The following MTMR10 variants were observed in gnomAD, a reference collection of about 807,000 sequenced individuals.
MTMR10 encodes myotubularin related protein 10, also known as myotubularin-related protein 10.
In MTMR10, 56 loss-of-function variants were observed where a neutral mutation model predicts 88.1. The observed-to-expected ratio is 0.64, with a 90% CI of 0.51 to 0.79. The LOEUF (loss-of-function observed/expected upper bound fraction) is 0.79. MTMR10 is among the 30% of genes least tolerant of loss of function. The pLI, the probability that MTMR10 is intolerant of heterozygous loss-of-function variation, is 0.00. For synonymous variants in MTMR10, 380 were observed against 340.9 expected (o/e 1.11, Z -1.26); for missense variants, 883 against 924.7 (o/e 0.95, Z 0.58).
At chr15:30,933,761 TTTTG>T in the MTMR10 span, among the ~76,000 whole-genome samples, 1 of 139,588 alleles carries the variant, frequency 7.2e-6, no homozygotes, top group Non-Finnish European at 1.5e-5. Flanking sequence ...TTCTTTTTTT[TTTTG>T]TTTTTGTTTT....
At chr15:30,947,441 C>T in intron 13 of MTMR10, 141 bp from the exon 14 acceptor site, 1 of 904,478 alleles carries the variant, frequency 1.1e-6, no homozygotes, top group Non-Finnish European at 1.6e-6. Context: ...CTAAGCTGAG[C>T]TATACACATC....
chr15:30,991,213 G>A (rs1157757221), intron 1 of MTMR10: 5 of 484,118 alleles, frequency 1.0e-5, no homozygotes, highest in Non-Finnish European at 1.4e-5. Context: ...GCAAAACTAC[G>A]GACGACAGAA....
chr15:30,972,696 A>C (rs1281977889), intron 5 of MTMR10, among the ~76,000 whole-genome samples: 1 of 152,098 alleles, frequency 6.6e-6, no homozygotes, highest in Non-Finnish European at 1.5e-5. Context: ...TATCTTCTTC[A>C]CTAGATTTAA....
At chr15:30,926,789 G>A in the MTMR10 span, 2 of 985,286 alleles carry the variant, frequency 2.0e-6, no homozygotes, top group East Asian at 1.1e-4. Flanking sequence ...AATGCTTTCA[G>A]TTGAGCCATG....
intron 2 of MTMR10, among the ~76,000 whole-genome samples, chr15:30,982,807 A>G (rs1301830913): frequency 1.3e-5 from 2 of 152,204 alleles, no homozygotes; most frequent in African/African-American, 4.8e-5. Context: ...CACGTAAGTC[A>G]TTTGTTCATA....
In MTMR10 at chr15:30,967,985, G is replaced by A; in HGVS notation, c.500C>T (p.Ser167Phe). The part of the protein sequence containing the change: ...KKVCLAIAHY[S>F]QPTDLQLLFA... ...GAGTAGCTGGAGGTCTGTTGGCTGG[G>A]AATAATGAGCTATTGCAAGGCATAC... is the stretch of plus-strand genomic sequence containing the variant. Residue 167 changes from serine to phenylalanine, a missense_variant, in exon 6 of 16, where the codon TCC becomes TTC. By Grantham distance (155) the Ser-to-Phe change is radical (BLOSUM62 -2). Coordinates refer to ENST00000435680, the MANE Select transcript of MTMR10 (RefSeq NM_017762.3). 1.9e-6 allele frequency: 3 copies of A among 1,572,504 alleles called. No individual in the cohort carries two copies. The highest frequency in any genetic ancestry group is 2.6e-6 in the Non-Finnish European group (3 of 1,157,638).
chr15:30,927,421 C>T, the MTMR10 span: 27 of 985,506 alleles, frequency 2.7e-5, no homozygotes, highest in Non-Finnish European at 3.1e-5. Context: ...CCTTTTGAAT[C>T]CCTGAGACGG....
At chr15:30,930,873 A>G in the MTMR10 span, among the ~76,000 whole-genome samples, 1 of 152,172 alleles carries the variant, frequency 6.6e-6, no homozygotes, top group East Asian at 1.9e-4. Flanking sequence ...CCAGAGTGTG[A>G]GCAAGACAGA....
In MTMR10 at chr15:30,948,418, G is replaced by A. The variant is rs1322371737; in HGVS notation, c.1261C>T (p.Leu421=). ...CCVASLVQVM[L]DPYFRTITGF... ...GTAATTGTCCTAAAATAGGGATCCAGCATCACTTGAACAAGAGAAGCTACA... is the reference window on the plus strand; with the variant it reads ...GTAATTGTCCTAAAATAGGGATCCAACATCACTTGAACAAGAGAAGCTACA... Residue 421 remains leucine (L), a synonymous_variant, in exon 13 of 16, where the codon CTG becomes TTG. Transcript: ENST00000435680. 2 of 1,612,638 alleles carry A rather than the reference G, an allele frequency of 1.2e-6. No individual in the cohort carries two copies. The highest frequency in any genetic ancestry group is 3.3e-5 in the Admixed American group (2 of 59,842).
chr15:30,951,480 T>C (rs1199051621), intron 12 of MTMR10, among the ~76,000 whole-genome samples: 1 of 150,510 alleles, frequency 6.6e-6, no homozygotes. Flanking sequence ...TCTATTCTTC[T>C]ATTTGCAGTC....
At chr15:30,948,535 A>G in intron 12 of MTMR10, 64 bp from the exon 13 acceptor site, 1 of 1,488,914 alleles carries the variant, frequency 6.7e-7, no homozygotes. Flanking sequence ...AAAGGGAAGG[A>G]AAGGTAAACT....
intron 5 of MTMR10, among the ~76,000 whole-genome samples, chr15:30,971,669 T>C (rs1404470): frequency 0.42 from 63,976 of 151,862 alleles, 14,649 homozygotes; most frequent in East Asian, 0.85. Context: ...TATATATTTA[T>C]CTTTATCTAC....
chr15:30,973,476 A>G (rs547397971), intron 5 of MTMR10, among the ~76,000 whole-genome samples: 5 of 152,262 alleles, frequency 3.3e-5, no homozygotes, highest in African/African-American at 1.2e-4. Flanking sequence ...TTTGGTATCA[A>G]CAGAAGATTT....
chr15:30,951,642 G>A (rs556129939), intron 12 of MTMR10, among the ~76,000 whole-genome samples: 1 of 152,074 alleles, frequency 6.6e-6, no homozygotes, highest in Non-Finnish European at 1.5e-5. Context: ...TGAGACTACA[G>A]GCGCACACCA....
chr15:30,929,589 T>C, the MTMR10 span, among the ~76,000 whole-genome samples: 1 of 131,752 alleles, frequency 7.6e-6, no homozygotes, highest in Non-Finnish European at 1.6e-5. Flanking sequence ...TTATATTATA[T>C]ATTATATATT....
chr15:30,935,321 AAAAG>A (rs771199448), downstream of MTMR10, among the ~76,000 whole-genome samples: 9 of 150,672 alleles, frequency 6.0e-5, no homozygotes, highest in Non-Finnish European at 1.0e-4. Flanking sequence ...AAAAAAGAAA[AAAAG>A]AAAAAGAAAA....
chr15:30,942,829 C>A (rs2063098459), intron 15 of MTMR10, 61 bp downstream of exon 15: 7 of 1,457,846 alleles, frequency 4.8e-6, no homozygotes, highest in Non-Finnish European at 5.5e-6. Context: ...GCTCTCTGTT[C>A]TGAAAAAGAG....
At chr15:30,930,454 T>A in the MTMR10 span, 1 of 1,463,638 alleles carries the variant, frequency 6.8e-7, no homozygotes, top group Non-Finnish European at 9.1e-7. Context: ...ACATATACAC[T>A]GAGCTTTTCT....
chr15:30,983,481 G>A (rs2030730553), intron 2 of MTMR10, among the ~76,000 whole-genome samples: 1 of 152,194 alleles, frequency 6.6e-6, no homozygotes, highest in South Asian at 2.1e-4. Flanking sequence ...TCAAAACCAT[G>A]TTGTATTATC....
Sources: allele counts gnomAD v4.1 joint callset (sites outside exome capture counted in the v4.1 genomes callset), GRCh38; gene constraint gnomAD v4.1.1; transcripts MANE v1.5; gene names NCBI Gene and HGNC (gene_info 2026-07-23, HGNC 2026-07-21).